The following SCIN variants were observed in gnomAD, a reference collection of about 807,000 sequenced individuals.
SCIN encodes the protein scinderin.
In SCIN, 91 loss-of-function variants were observed where a neutral mutation model predicts 91.8. The observed-to-expected ratio is 0.99, with a 90% CI of 0.84 to 1.18. The LOEUF is 1.18. Among genes scored for constraint, SCIN ranks in the 50% most tolerant of loss-of-function variants. The pLI is 0.00. For synonymous variants in SCIN, 367 were observed against 312.6 expected, an observed-to-expected ratio of 1.17 and a Z score of -1.84; for missense variants, 1,087 against 863.9, an observed-to-expected ratio of 1.26 and a Z score of -3.24.
At chr7:12,621,699 A>C (rs1452263823) in intron 4 of SCIN, among the ~76,000 whole-genome samples, 1 of 145,656 alleles carries the variant, frequency 6.9e-6, no homozygotes, top group African/African-American at 2.5e-5. Flanking sequence ...ACTGCATTAC[A>C]ATCATTTAGC....
In SCIN at chr7:12,657,570, ATATTTTTTTTTTT is replaced by A. The variant is rs1227250450; in HGVS notation, c.*4857_*4869del. ...TATATATATATATATATATATATAT[ATATTTTTTTTTTT>A]TTTTTTTTTTTTTTTGCATTGGCAA... is the stretch of plus-strand genomic sequence containing the variant. On this transcript the variant is annotated 3_prime_UTR_variant, in exon 16 of 16. Coordinates refer to ENST00000297029, the MANE Select transcript of SCIN (RefSeq NM_001112706.3). 13 of 20,864 alleles carry A rather than the reference ATATTTTTTTTTTT, an allele frequency of 6.2e-4. No individual in the cohort carries two copies. The highest frequency in any genetic ancestry group is 1.1e-3 in the Non-Finnish European group (10 of 9,150). 1.3% of individuals were successfully genotyped at this position (20,864 alleles called of 1,614,324 possible). A position where few individuals can be genotyped will look rare whatever the true frequency, so the allele number is the denominator to read the frequency against.
At position 12,622,451 on chromosome 7, in the gene SCIN, C is replaced by A. The variant is rs184534835; in HGVS notation, c.667-350C>A. Among the ~76,000 whole-genome samples the A allele has an allele frequency of 3.2e-3, 481 of 152,218 alleles. 2 individuals carry two copies. The highest frequency in any genetic ancestry group is 5.1e-3 in the Non-Finnish European group (347 of 67,998). ...AGAGATTATTTCTAGAAGCAGAGGTCATAGAAGAAATTCTGCTGCAGAGCT... is the reference window on the plus strand; with the variant it reads ...AGAGATTATTTCTAGAAGCAGAGGTAATAGAAGAAATTCTGCTGCAGAGCT... On this transcript the variant is annotated intron_variant, in intron 4 of 15. Transcript: ENST00000297029.
rs547048003 is a variant in SCIN, at chr7:12,571,272, C to T, written c.199+287C>T. 22 of 463,918 alleles carry T rather than the reference C, an allele frequency of 4.7e-5. No homozygotes were observed. In the South Asian group the frequency reaches 6.0e-4, roughly 13 times the overall value. 28.7% of individuals were successfully genotyped at this position (463,918 alleles called of 1,614,324 possible). On this transcript the variant is annotated intron_variant, in intron 1 of 15. Transcript: ENST00000297029. ...TGGAGCTGGTGACTGGCTTCTTCCC[C>T]TTTCACCGTCAAGTATCCAAACGCC...
At chr7:12,578,593 G>C (rs1782421841) in intron 2 of SCIN, among the ~76,000 whole-genome samples, 1 of 151,980 alleles carries the variant, frequency 6.6e-6, no homozygotes, top group South Asian at 2.1e-4. Context: ...GAAAATCTCT[G>C]AAGTTTCTGC....
rs747826782 is a variant in SCIN, at chr7:12,651,940, C to A, written c.2020+39C>A. ...ATGGACCATTATAGCAGTAACCGGGCACCATTATGACCGAGTGTCTGGCTT... is the reference window on the plus strand; with the variant it reads ...ATGGACCATTATAGCAGTAACCGGGAACCATTATGACCGAGTGTCTGGCTT... On this transcript the variant is annotated intron_variant, in intron 15 of 15. Coordinates refer to ENST00000297029, the MANE Select transcript of SCIN (RefSeq NM_001112706.3). This position sits in a 1 kb window ranked among gnomAD's most constrained non-coding sequence, Gnocchi z 5.9. The A allele has an allele frequency of 2.1e-6, 3 of 1,402,046 alleles. No individual in the cohort carries two copies. Among genetic ancestry groups the A allele is most frequent in the South Asian group, 1.2e-5 (1 of 81,790 alleles). 86.9% of individuals were successfully genotyped at this position (1,402,046 alleles called of 1,614,324 possible).
intron 4 of SCIN, among the ~76,000 whole-genome samples, chr7:12,617,233 G>A (rs1583302012): frequency 6.6e-6 from 1 of 152,178 alleles, no homozygotes; most frequent in Admixed American, 6.5e-5. Context: ...TCTACCATTT[G>A]TTGAATTTTC....
chr7:12,637,674 G>A (rs935924304), intron 10 of SCIN, among the ~76,000 whole-genome samples: 18 of 152,166 alleles, frequency 1.2e-4, no homozygotes, highest in African/African-American at 3.9e-4. Context: ...GATAGTGTGA[G>A]AGGGAGGAGA....
intron 2 of SCIN, among the ~76,000 whole-genome samples, chr7:12,580,591 C>G (rs557398999): frequency 6.6e-6 from 1 of 152,330 alleles, no homozygotes; most frequent in Non-Finnish European, 1.5e-5. Flanking sequence ...ACAACCATCT[C>G]TGTCCCAACC....
chr7:12,594,282 C>T (rs377136169), intron 3 of SCIN, among the ~76,000 whole-genome samples: 16 of 151,942 alleles, frequency 1.1e-4, no homozygotes, highest in South Asian at 4.2e-4. Context: ...AGAAAATCCA[C>T]GGGGTCAAAG....
At chr7:12,650,702 T>G (rs1456004595) in intron 14 of SCIN, among the ~76,000 whole-genome samples, 2 of 152,120 alleles carry the variant, frequency 1.3e-5, no homozygotes, top group African/African-American at 2.4e-5. Flanking sequence ...ACCCACACAC[T>G]TGACAAGGAG....
At position 12,570,848 on chromosome 7, in the gene SCIN, T is replaced by A; in HGVS notation, c.62T>A (p.Val21Asp). Residue 21 changes from valine to aspartate, a missense_variant, in exon 1 of 16, where the codon GTC (valine) becomes GAC (aspartate). Val to Asp is a radical substitution (Grantham distance 152). Coordinates refer to ENST00000297029, the MANE Select transcript of SCIN (RefSeq NM_001112706.3). Reference protein sequence around the residue: ...ARAGKQAGLQVWRIEKLELVP... With the variant: ...ARAGKQAGLQDWRIEKLELVP... Reference sequence around the variant, plus strand: ...GCGGGCAAGCAGGCGGGGCTGCAGGTCTGGAGGATTGAGAAGCTGGAGCTG... The same window carrying A: ...GCGGGCAAGCAGGCGGGGCTGCAGGACTGGAGGATTGAGAAGCTGGAGCTG... The A allele has an allele frequency of 1.3e-6, 2 of 1,551,288 alleles. No homozygotes were observed. The highest frequency in any genetic ancestry group is 1.7e-6 in the Non-Finnish European group (2 of 1,146,932).
At position 12,652,829 on chromosome 7, in the gene SCIN, C is replaced by T. The variant is rs956778225; in HGVS notation, c.*114C>T. The T allele has an allele frequency of 5.7e-5, 75 of 1,322,072 alleles. No homozygotes were observed. Among genetic ancestry groups the T allele is most frequent in the African/African-American group, 1.1e-4 (7 of 65,562 alleles). The allele number at this position is 1,322,072 out of a possible 1,614,324, so 81.9% of individuals were successfully genotyped here. A position where few individuals can be genotyped will look rare whatever the true frequency, so the allele number is the denominator to read the frequency against. On this transcript the variant is annotated 3_prime_UTR_variant, in exon 16 of 16. Coordinates refer to ENST00000297029, the MANE Select transcript of SCIN (RefSeq NM_001112706.3). ...TTGTCTTTTGAAAATTAAGGCTGGG[C>T]GCGGTGGCTCACACCTGTAATCCCA...
chr7:12,641,598 C>A (rs1354054670), intron 11 of SCIN, among the ~76,000 whole-genome samples: 1 of 152,128 alleles, frequency 6.6e-6, no homozygotes, highest in African/African-American at 2.4e-5. Flanking sequence ...TCCTTGACCG[C>A]ATTTCATCTC....
chr7:12,592,726 G>C lies in SCIN; in HGVS notation c.516+11505G>C, dbSNP rs75613968. Reference sequence around the variant, plus strand: ...GAGTGTGAGAAAATGGCATCAAACAGGGAACAAGTAAGAGGTCTGGTGGCA... The same window carrying C: ...GAGTGTGAGAAAATGGCATCAAACACGGAACAAGTAAGAGGTCTGGTGGCA... On this transcript the variant is annotated intron_variant, in intron 3 of 15. Transcript: ENST00000297029. Among the ~76,000 whole-genome samples the C allele has an allele frequency of 3.7e-3, 562 of 152,232 alleles. 6 individuals carry two copies. Among genetic ancestry groups the C allele is most frequent in the African/African-American group, 0.013 (528 of 41,548 alleles).
chr7:12,642,280 T>G (rs1300489333), intron 11 of SCIN, among the ~76,000 whole-genome samples: 1 of 152,132 alleles, frequency 6.6e-6, no homozygotes, highest in East Asian at 1.9e-4. Context: ...TTTCTGTCTT[T>G]CCCGTGCATT....
chr7:12,576,935 A>G (rs1360271743), intron 1 of SCIN, among the ~76,000 whole-genome samples: 4 of 152,288 alleles, frequency 2.6e-5, no homozygotes, highest in South Asian at 2.1e-4. Flanking sequence ...GATTTTTATT[A>G]CAGCTTGGAT....
At chr7:12,588,597 G>A (rs1041517447) in intron 3 of SCIN, among the ~76,000 whole-genome samples, 1 of 151,898 alleles carries the variant, frequency 6.6e-6, no homozygotes, top group Non-Finnish European at 1.5e-5. Flanking sequence ...GGGGTTGTTT[G>A]TTGGTTAACC....
rs1447013116 is a variant in SCIN, at chr7:12,655,048, A to AT, written c.*2333_*2334insT. On this transcript the variant is annotated 3_prime_UTR_variant, in exon 16 of 16. Transcript: ENST00000297029. Reference sequence around the variant, plus strand: ...TGGCTCGAGGAACCCCATGGATACCAACATCCTTGAATGCTCAAGTCCCTT... The same window carrying AT: ...TGGCTCGAGGAACCCCATGGATACCATACATCCTTGAATGCTCAAGTCCCTT... The AT allele has an allele frequency of 6.6e-6, 1 of 152,174 alleles. No individual in the cohort carries two copies. The highest frequency in any genetic ancestry group is 1.9e-4 in the East Asian group (1 of 5,188). The allele number at this position is 152,174 out of a possible 1,614,324, so 9.4% of individuals were successfully genotyped here.
chr7:12,608,141 A>G (rs1026339898), intron 4 of SCIN, among the ~76,000 whole-genome samples: 1 of 152,204 alleles, frequency 6.6e-6, no homozygotes, highest in East Asian at 1.9e-4. Context: ...AAGCTCATAT[A>G]TTACTTTACC....
Sources: gnomAD v4.1 joint callset for allele counts (sites outside exome capture counted in the v4.1 genomes callset) on GRCh38, gnomAD v4.1.1 for gene constraint, Gnocchi (gnomAD v3.1) non-coding constraint, MANE v1.5 for transcripts, NCBI Gene and HGNC (gene_info 2026-07-23, HGNC 2026-07-21) for gene names.